MBTD1: variants seen among roughly 807,000 people sequenced by gnomAD.
MBTD1 encodes the protein MBT domain-containing protein 1.
MBTD1 carries 24 observed loss-of-function variants against 87.8 expected under a neutral mutation model. The observed-to-expected ratio is 0.27, with a 90% confidence interval of 0.20 to 0.38. The LOEUF is 0.38. Ranked by LOEUF, MBTD1 falls within the 10% of genes least tolerant of loss-of-function variation. The pLI, the probability that MBTD1 is intolerant of heterozygous loss-of-function variation, is 1.00. For missense variants in MBTD1, 436 were observed against 760.2 expected (o/e 0.57, Z 5.02); for synonymous variants, 237 against 248.6 (o/e 0.95, Z 0.44).
upstream of MBTD1, chr17:51,260,564 C>A (rs764846155): frequency 4.1e-5 from 65 of 1,601,646 alleles, no homozygotes; most frequent in Middle Eastern, 6.8e-4. Context: ...TGAGCGCCTG[C>A]GTTTCTCCTC....
At chr17:51,240,818 T>C (rs2054120723) in intron 2 of MBTD1, among the ~76,000 whole-genome samples, 3 of 152,210 alleles carry the variant, frequency 2.0e-5, no homozygotes, top group African/African-American at 4.8e-5. Flanking sequence ...TTTGGAATTC[T>C]TCTGTATAGA....
At chr17:51,248,261 TG>T (rs1442870719) in intron 2 of MBTD1, among the ~76,000 whole-genome samples, 1 of 152,230 alleles carries the variant, frequency 6.6e-6, no homozygotes, top group Admixed American at 6.5e-5. Context: ...CTTGTGCTTT[TG>T]GCTTACTTTG....
chr17:51,229,055 T>C (rs555950894), intron 2 of MBTD1, among the ~76,000 whole-genome samples: 1 of 148,690 alleles, frequency 6.7e-6, no homozygotes, highest in African/African-American at 2.5e-5. Flanking sequence ...ATGGGCCAGG[T>C]GCAGTGTCTC....
chr17:51,259,948 C>A lies in MBTD1; in HGVS notation c.-226G>T. ...CAGGTGCCTCTCCCCGGGACTGCGG[C>A]GACTACAGGGGGCCCCCGGCTGGGC... On this transcript the variant is annotated 5_prime_UTR_variant, in exon 1 of 17. Transcript: ENST00000586178. 1.7e-6 allele frequency: 2 copies of A among 1,166,522 alleles called. No individual in the cohort carries two copies. The highest frequency in any genetic ancestry group is 2.2e-6 in the Non-Finnish European group (2 of 928,146). 72.3% of individuals were successfully genotyped at this position (1,166,522 alleles called of 1,614,324 possible).
intron 16 of MBTD1, chr17:51,185,059 GCAAAAACCACC>G (rs1399414606): frequency 6.6e-6 from 1 of 152,052 alleles, no homozygotes; most frequent in Non-Finnish European, 1.5e-5. Context: ...TCCTAAAATG[GCAAAAACCACC>G]AAAAAACCAA....
At chr17:51,243,374 T>C (rs1302896620) in intron 2 of MBTD1, among the ~76,000 whole-genome samples, 1 of 152,144 alleles carries the variant, frequency 6.6e-6, no homozygotes, top group Non-Finnish European at 1.5e-5. Flanking sequence ...AAGTCCTGTG[T>C]ACTCTACTCA....
rs1568136522 is a variant in MBTD1 at position 51,179,524 on chromosome 17, A to ATATT, written c.*1051_*1052insAATA. ...TATATATATATATATATATATATAT[A>ATATT]TATATATATATATGGAATTTTAAGA... On this transcript the variant is annotated 3_prime_UTR_variant, in exon 17 of 17. Coordinates refer to ENST00000586178, the MANE Select transcript of MBTD1 (RefSeq NM_017643.3). The ATATT allele has an allele frequency of 9.3e-6, 1 of 107,968 alleles. No homozygotes were observed. The highest frequency in any genetic ancestry group is 2.0e-5 in the Non-Finnish European group (1 of 49,392). 6.7% of individuals were successfully genotyped at this position (107,968 alleles called of 1,614,324 possible).
intron 2 of MBTD1, among the ~76,000 whole-genome samples, chr17:51,244,129 C>A (rs2054300960): frequency 6.6e-6 from 1 of 152,186 alleles, no homozygotes; most frequent in South Asian, 2.1e-4. Flanking sequence ...CATTGTTTCT[C>A]ACTGAAATCT....
chr17:51,194,591 A>G (rs1039309217), intron 13 of MBTD1, among the ~76,000 whole-genome samples: 34 of 149,052 alleles, frequency 2.3e-4, no homozygotes, highest in African/African-American at 8.2e-4. Flanking sequence ...AAAAAAAAAA[A>G]AGTCCACATG....
chr17:51,229,230 T>C (rs1411852720), intron 2 of MBTD1, among the ~76,000 whole-genome samples: 1 of 151,822 alleles, frequency 6.6e-6, no homozygotes, highest in Non-Finnish European at 1.5e-5. Flanking sequence ...ACCAGAGAGA[T>C]GAAAACTATC....
intron 16 of MBTD1, among the ~76,000 whole-genome samples, chr17:51,187,558 C>T (rs775521603): frequency 2.6e-4 from 39 of 151,912 alleles, no homozygotes; most frequent in Non-Finnish European, 4.7e-4. Context: ...ATATTGAAAG[C>T]TGAAGGATCA....
At chr17:51,245,713 G>C (rs918325177) in intron 2 of MBTD1, among the ~76,000 whole-genome samples, 5 of 151,830 alleles carry the variant, frequency 3.3e-5, no homozygotes, top group Admixed American at 6.6e-5. Context: ...CTATTTCCCT[G>C]GTCTGTTCTT....
Position 51,220,478 on chromosome 17 carries a change from A to G in MBTD1, c.155-15T>C, listed in dbSNP as rs1352433743. 2 of 1,534,868 alleles carry G rather than the reference A, an allele frequency of 1.3e-6. No individual in the cohort carries two copies. The highest frequency in any genetic ancestry group is 2.4e-5 in the South Asian group (2 of 82,446). On this transcript the variant is annotated splice_polypyrimidine_tract_variant and intron_variant, in intron 3 of 16. Coordinates refer to ENST00000586178, the MANE Select transcript of MBTD1 (RefSeq NM_017643.3). ...CTCACAGGTAGCTAATTAACAAAATAAAAACACTGGTGTTATGATGATATA... is the reference window on the plus strand; with the variant it reads ...CTCACAGGTAGCTAATTAACAAAATGAAAACACTGGTGTTATGATGATATA...
intron 7 of MBTD1, among the ~76,000 whole-genome samples, chr17:51,204,612 C>A (rs1394421848): frequency 6.7e-6 from 1 of 148,754 alleles, no homozygotes; most frequent in African/African-American, 2.5e-5. Context: ...AAGTGATTCA[C>A]CTGCCTCAGC....
intron 3 of MBTD1, among the ~76,000 whole-genome samples, chr17:51,222,512 C>G (rs1489525023): frequency 6.6e-6 from 1 of 152,112 alleles, no homozygotes; most frequent in Non-Finnish European, 1.5e-5. Context: ...TCAAGCAATT[C>G]TCCTGCCTCA....
intron 7 of MBTD1, among the ~76,000 whole-genome samples, chr17:51,204,794 C>T (rs2051718888): frequency 6.6e-6 from 1 of 152,186 alleles, no homozygotes; most frequent in Admixed American, 6.5e-5. Context: ...AGCCACTGTG[C>T]TTGGCCTTGA....
intron 1 of MBTD1, 68 bp downstream of exon 1, chr17:51,259,742 CGGGGTCAGGGAGCTGCGGGGTTCCT>C: frequency 8.7e-7 from 1 of 1,147,686 alleles, no homozygotes; most frequent in Non-Finnish European, 1.1e-6. Context: ...GGCCAGGGAG[CGGGGTCAGGGAGCTGCGGGGTTCCT>C]GGGGTCGGAG....
intron 2 of MBTD1, among the ~76,000 whole-genome samples, chr17:51,232,074 T>A (rs1054090376): frequency 4.6e-5 from 7 of 151,998 alleles, no homozygotes; most frequent in African/African-American, 1.4e-4. Context: ...AAAAGACCTA[T>A]GAGGGAGCAT....
At chr17:51,187,131 A>C (rs2050573946) in intron 16 of MBTD1, among the ~76,000 whole-genome samples, 1 of 152,156 alleles carries the variant, frequency 6.6e-6, no homozygotes, top group Non-Finnish European at 1.5e-5. Context: ...ATTCTGAAAC[A>C]AATTTATCAG....
Sources: allele counts gnomAD v4.1 joint callset (sites outside exome capture counted in the v4.1 genomes callset), GRCh38; gene constraint gnomAD v4.1.1; transcripts MANE v1.5; gene names NCBI Gene and HGNC (gene_info 2026-07-23, HGNC 2026-07-21).